Variants in R3HDM1 observed in about 807,000 individuals in gnomAD.
R3HDM1 encodes R3H domain containing 1.
A neutral mutation model predicts 141.1 loss-of-function variants in R3HDM1; 46 were observed. The ratio of observed to expected loss-of-function variants is 0.33; its 90% CI spans 0.26 to 0.42. R3HDM1 has a LOEUF of 0.42. R3HDM1 is among the 10% of genes least tolerant of loss of function. The probability of loss-of-function intolerance (pLI) is 1.00; values close to 1 mark genes in which losing one functional copy is unlikely to be tolerated. For missense variants in R3HDM1, 1,184 were observed against 1,368.3 expected (o/e 0.87, Z 2.12); for synonymous variants, 435 against 472.9 (o/e 0.92, Z 1.04).
intron 5 of R3HDM1, among the ~76,000 whole-genome samples, chr2:135,617,184 G>A (rs959943388): frequency 5.3e-5 from 8 of 151,918 alleles, no homozygotes; most frequent in Non-Finnish European, 8.8e-5. Context: ...AAAATTAGCC[G>A]GGCATGGTGG....
chr2:135,616,045 T>C (rs1391022206), intron 3 of R3HDM1, 107 bp from the exon 4 acceptor site: 28 of 1,091,066 alleles, frequency 2.6e-5, no homozygotes, highest in Non-Finnish European at 6.7e-6. Context: ...TCCTCACTTT[T>C]CATACTTTAT....
chr2:135,575,332 G>A (rs1255140821), intron 1 of R3HDM1, among the ~76,000 whole-genome samples: 1 of 152,150 alleles, frequency 6.6e-6, no homozygotes, highest in Non-Finnish European at 1.5e-5. Flanking sequence ...ACAGGCACCT[G>A]TCCCCACACC....
At chr2:135,650,421 C>G (rs1384223958) in intron 17 of R3HDM1, 2 of 984,034 alleles carry the variant, frequency 2.0e-6, no homozygotes, top group Non-Finnish European at 2.4e-6. Context: ...TAGCTTACAG[C>G]TACAGAGGAC....
rs1559073981 is a variant in R3HDM1, at chr2:135,535,545, T to TAAATAA, written c.-250+3912_-250+3913insAAATAA. Reference sequence around the variant, plus strand: ...AAATAAATAAATAAATAAATAAATATGAGATGGCTGTTGTGAAGAGAAGGA... The same window carrying TAAATAA: ...AAATAAATAAATAAATAAATAAATATAAATAAGAGATGGCTGTTGTGAAGAGAAGGA... On this transcript the variant is annotated intron_variant, in intron 1 of 26. Transcript: ENST00000683871. 1.7e-3 allele frequency among the ~76,000 whole-genome samples: 233 copies of TAAATAA among 134,352 alleles called. 1 individual carries two copies. Among genetic ancestry groups the TAAATAA allele is most frequent in the African/African-American group, 8.3e-3 (224 of 26,868 alleles). The allele number at this position is 134,352 out of a possible 152,430, so 88.1% of individuals were successfully genotyped here.
intron 1 of R3HDM1, among the ~76,000 whole-genome samples, chr2:135,567,181 C>G (rs1702984549): frequency 6.6e-6 from 1 of 152,080 alleles, no homozygotes; most frequent in Non-Finnish European, 1.5e-5. Context: ...AGTATCCTAC[C>G]AATCTGCAGC....
intron 23 of R3HDM1, 143 bp from the exon 24 acceptor site, chr2:135,715,407 G>C: frequency 1.1e-6 from 1 of 888,448 alleles, no homozygotes. Flanking sequence ...TCTGTTACCA[G>C]TGTTTATTTT....
intron 21 of R3HDM1, among the ~76,000 whole-genome samples, chr2:135,703,624 G>GT (rs1194873094): frequency 8.7e-5 from 13 of 150,124 alleles, no homozygotes; most frequent in East Asian, 1.9e-4. Flanking sequence ...GTCAAATTCA[G>GT]TTTTTTTTTA....
chr2:135,531,573 C>T lies in R3HDM1; in HGVS notation c.-310C>T, dbSNP rs889420411. 3.0e-6 allele frequency: 3 copies of T among 986,584 alleles called. No homozygotes were observed. Among genetic ancestry groups the T allele is most frequent in the African/African-American group, 3.5e-5 (2 of 57,238 alleles). The allele number at this position is 986,584 out of a possible 1,614,324, so 61.1% of individuals were successfully genotyped here. A position where few individuals can be genotyped will look rare whatever the true frequency, so the allele number is the denominator to read the frequency against. On this transcript the variant is annotated 5_prime_UTR_variant, in exon 1 of 27. Transcript: ENST00000683871. The stretch of plus-strand genomic sequence containing the variant: ...CGTAAGACTCTTACTTGCACCCACC[C>T]AGCCCCGCCGTCGCCCCGCCGCGCC...
In R3HDM1 at chr2:135,627,259, G is replaced by T. The variant is rs990173526; in HGVS notation, c.498-4459G>T. On this transcript the variant is annotated intron_variant, in intron 7 of 26. Coordinates refer to ENST00000683871, the MANE Select transcript of R3HDM1 (RefSeq NM_001378107.1). ...AAGCATTCAGGGTTGAATATTGCCT[G>T]GAGAATTCTACTAGATGTTAAGCAG... Among the ~76,000 whole-genome samples the T allele has an allele frequency of 3.3e-5, 5 of 152,176 alleles. No individual in the cohort carries two copies. The South Asian group carries it at 1.0e-3, about 32-fold the overall frequency.
intron 3 of R3HDM1, among the ~76,000 whole-genome samples, chr2:135,615,166 A>G (rs1242998927): frequency 6.6e-6 from 1 of 152,124 alleles, no homozygotes; most frequent in African/African-American, 2.4e-5. Flanking sequence ...TTGGCTCAAA[A>G]TGGGAGCAGG....
At chr2:135,717,734 C>T (rs1161466207) in intron 24 of R3HDM1, among the ~76,000 whole-genome samples, 2 of 152,160 alleles carry the variant, frequency 1.3e-5, no homozygotes, top group African/African-American at 4.8e-5. Flanking sequence ...AAAATTCTCA[C>T]ACATTGGCGG....
chr2:135,583,566 G>A (rs572355949), intron 1 of R3HDM1, among the ~76,000 whole-genome samples: 2 of 152,110 alleles, frequency 1.3e-5, no homozygotes, highest in African/African-American at 4.8e-5. Context: ...TATGATCCTT[G>A]CCAGAATCAG....
intron 14 of R3HDM1, among the ~76,000 whole-genome samples, chr2:135,639,522 T>G (rs1238011408): frequency 2.0e-5 from 3 of 152,172 alleles, no homozygotes; most frequent in Non-Finnish European, 4.4e-5. Flanking sequence ...TATCAATTAT[T>G]GATTGCATTT....
Position 135,661,304 on chromosome 2 carries a change from A to C in R3HDM1, c.2063A>C (p.His688Pro). Residue 688 changes from histidine (H) to proline (P), a missense_variant, in exon 19 of 27, where the codon CAC (histidine) becomes CCC (proline). By Grantham distance (77) the His-to-Pro change is moderately conservative. Around this residue, in one of 5 missense-constraint regions of R3HDM1, gnomAD observed 563 missense variants for 562.0 expected, o/e 1.00. Transcript: ENST00000683871. ...TGTTATTGCGCTCCAGGCCACTATC[A>C]CTCCAGCCAACCTCAGTATCGCCCA... The part of the protein sequence containing the change: ...PACYCAPGHY[H>P]SSQPQYRPVP... 3 of 1,614,000 alleles carry C rather than the reference A, an allele frequency of 1.9e-6. No individual in the cohort carries two copies. The South Asian group carries it at 3.3e-5, about 18-fold the overall frequency.
chr2:135,693,864 G>A (rs547672756), intron 21 of R3HDM1, among the ~76,000 whole-genome samples: 1 of 152,124 alleles, frequency 6.6e-6, no homozygotes, highest in African/African-American at 2.4e-5. Flanking sequence ...AATTAGCCGG[G>A]CTTGGTGGCA....
intron 1 of R3HDM1, among the ~76,000 whole-genome samples, chr2:135,579,088 T>C (rs540251985): frequency 6.6e-6 from 1 of 152,324 alleles, no homozygotes; most frequent in Admixed American, 6.5e-5. Context: ...GGATCTTCTT[T>C]AAATGCCATT....
intron 23 of R3HDM1, among the ~76,000 whole-genome samples, 187 bp from the exon 24 acceptor site, chr2:135,715,363 C>G (rs1240842751): frequency 6.6e-6 from 1 of 151,852 alleles, no homozygotes; most frequent in Non-Finnish European, 1.5e-5. Context: ...CAGAGTGAGA[C>G]TCCGTCTCAA....
rs573084155 is a variant in R3HDM1 at position 135,584,242 on chromosome 2, C to T, written c.-249-18258C>T. ...ACTCGGGAGGCTGAAGCAGGAGGATCGCTTGAACCTGGGAGGCAGAGGTTG... is the reference window on the plus strand; with the variant it reads ...ACTCGGGAGGCTGAAGCAGGAGGATTGCTTGAACCTGGGAGGCAGAGGTTG... On this transcript the variant is annotated intron_variant, in intron 1 of 26. Transcript: ENST00000683871. The T allele has an allele frequency of 2.3e-3, 1,168 of 515,338 alleles. 2 individuals carry two copies. Among genetic ancestry groups the T allele is most frequent in the Non-Finnish European group, 2.6e-3 (1,035 of 400,786 alleles). The allele number at this position is 515,338 out of a possible 1,614,324, so 31.9% of individuals were successfully genotyped here. A position where few individuals can be genotyped will look rare whatever the true frequency, so the allele number is the denominator to read the frequency against.
chr2:135,715,555 C>A lies in R3HDM1; in HGVS notation c.2742C>A (p.Ser914Arg). 3 of 1,613,124 alleles carry A rather than the reference C, an allele frequency of 1.9e-6. No homozygotes were observed. Among genetic ancestry groups the A allele is most frequent in the Non-Finnish European group, 2.5e-6 (3 of 1,179,664 alleles). ...FSSVDNIVQH[S>R]PQLSSPIISP... ...TTGACGTATTGTAATTGCAGCACAG[C>A]CCTCAACTCAGTAGCCCCATTATTT... Residue 914 changes from serine (S) to arginine (R), a missense_variant, in exon 24 of 27, where the codon AGC (serine) becomes AGA (arginine). Physicochemically the swap from Ser to Arg is moderately radical, Grantham distance 110 (BLOSUM62 -1). Coordinates refer to ENST00000683871, the MANE Select transcript of R3HDM1 (RefSeq NM_001378107.1).
Sources: gnomAD v4.1 joint callset for allele counts (sites outside exome capture counted in the v4.1 genomes callset) on GRCh38, gnomAD v4.1.1 for gene constraint, gnomAD v4.1.1 regional missense constraint, MANE v1.5 for transcripts, NCBI Gene and HGNC (gene_info 2026-07-23, HGNC 2026-07-21) for gene names.